The following LRRC31 variants were observed in gnomAD, a reference collection of about 807,000 sequenced individuals.
LRRC31 encodes leucine rich repeat containing 31.
Under a neutral mutation model 46.7 loss-of-function variants are expected in LRRC31, and 35 were observed. The observed-to-expected ratio is 0.75, with a 90% CI of 0.57 to 0.99. The LOEUF (loss-of-function observed/expected upper bound fraction) is 0.99. Among genes scored for constraint, LRRC31 ranks in the 50% least tolerant of loss-of-function variants. The pLI is 0.00. For synonymous variants in LRRC31, 236 were observed against 235.1 expected, an observed-to-expected ratio of 1.00 and a Z score of -0.03; for missense variants, 613 against 626.1, an observed-to-expected ratio of 0.98 and a Z score of 0.22.
rs1389805470 is a variant in LRRC31, at chr3:169,857,367, CACAA to C, written c.488-499_488-496del. On this transcript the variant is annotated intron_variant, in intron 3 of 8. Transcript: ENST00000316428. ...ATATACACACACACACACACACACACACAAGTATATATATACACATATATACATA... is the reference window on the plus strand; with the variant it reads ...ATATACACACACACACACACACACACGTATATATATACACATATATACATA... Among the ~76,000 whole-genome samples the C allele has an allele frequency of 3.3e-3, 367 of 112,506 alleles. 5 individuals are homozygous for C. The highest frequency in any genetic ancestry group is 9.4e-3 in the South Asian group (31 of 3,290). 73.8% of individuals were successfully genotyped at this position (112,506 alleles called of 152,430 possible).
chr3:169,856,668 T>A, intron 4 of LRRC31, 37 bp downstream of exon 4: 3 of 1,529,788 alleles, frequency 2.0e-6, no homozygotes, highest in Non-Finnish European at 2.6e-6. Flanking sequence ...CCAGTGGGCA[T>A]CTTCACTTTT....
intron 6 of LRRC31, chr3:169,853,813 T>A: frequency 1.6e-6 from 1 of 633,068 alleles, no homozygotes; most frequent in Non-Finnish European, 2.0e-6. Context: ...CCCCAAATTG[T>A]ACTATAAACA....
chr3:169,862,046 T>C (rs34288366), intron 1 of LRRC31, among the ~76,000 whole-genome samples: 5,835 of 152,254 alleles, frequency 0.038, 222 homozygotes, highest in Non-Finnish European at 0.052. Flanking sequence ...GGCTTTTCTA[T>C]CATGACCTGA....
intron 6 of LRRC31, among the ~76,000 whole-genome samples, chr3:169,852,253 AT>A (rs1320550231): frequency 7.3e-6 from 1 of 137,494 alleles, no homozygotes; most frequent in African/African-American, 2.7e-5. Flanking sequence ...AAAAAAAAAA[AT>A]TAGCCGGGCG....
chr3:169,840,114 CA>C lies in LRRC31; in HGVS notation c.1526del (p.Val509GlyfsTer10). ...GQWFRHLLYA[V>X]TKLPQITEIG... ...TCTCAGTGATCTGAGGAAGCTTGGT[CA>C]CAGCATATAACAAGTGTCTAAACCA... On this transcript the variant is annotated frameshift_variant, in exon 9 of 9. Coordinates refer to ENST00000316428, the MANE Select transcript of LRRC31 (RefSeq NM_024727.4). LOFTEE classifies it low-confidence loss of function (END_TRUNC). The C allele has an allele frequency of 6.8e-6, 11 of 1,614,080 alleles. No homozygotes were observed. The highest frequency in any genetic ancestry group is 9.3e-6 in the Non-Finnish European group (11 of 1,180,016).
intron 3 of LRRC31, among the ~76,000 whole-genome samples, chr3:169,857,345 T>TATATATATATATATATATATATACAC (rs1491209579): frequency 4.5e-5 from 4 of 89,446 alleles, no homozygotes; most frequent in Non-Finnish European, 6.3e-5. Flanking sequence ...TATATATATA[T>TATATATATATATATATATATATACAC]ACACACACAC....
intron 3 of LRRC31, among the ~76,000 whole-genome samples, chr3:169,859,385 C>T (rs1781078746): frequency 6.6e-6 from 1 of 151,942 alleles, no homozygotes; most frequent in Non-Finnish European, 1.5e-5. Flanking sequence ...TCCTCAGCTA[C>T]AGGAGGCATG....
intron 8 of LRRC31, 96 bp from the exon 9 acceptor site, chr3:169,840,409 G>A: frequency 8.1e-6 from 10 of 1,234,964 alleles, no homozygotes; most frequent in South Asian, 3.8e-5. Flanking sequence ...GAATAGTAAT[G>A]ACAAGATTAG....
intron 1 of LRRC31, among the ~76,000 whole-genome samples, chr3:169,864,146 C>T (rs931710355): frequency 2.0e-5 from 3 of 152,184 alleles, no homozygotes; most frequent in African/African-American, 7.2e-5. Flanking sequence ...ACCAAACCCA[C>T]TCTTCTGTTT....
At chr3:169,864,484 C>T (rs7636325) in intron 1 of LRRC31, among the ~76,000 whole-genome samples, 3,343 of 152,276 alleles carry the variant, frequency 0.022, 112 homozygotes, top group African/African-American at 0.077. Flanking sequence ...CCTCTCTGAG[C>T]CTTGGTTTAC....
chr3:169,857,345 T>TATATATACAC (rs1491209579), intron 3 of LRRC31, among the ~76,000 whole-genome samples: 19 of 89,418 alleles, frequency 2.1e-4, no homozygotes, highest in African/African-American at 4.2e-4. Context: ...TATATATATA[T>TATATATACAC]ACACACACAC....
chr3:169,863,679 T>C (rs907691635), intron 1 of LRRC31, among the ~76,000 whole-genome samples: 7 of 152,236 alleles, frequency 4.6e-5, no homozygotes, highest in African/African-American at 1.4e-4. Context: ...ACAAGGCATT[T>C]AATTTTGGGT....
intron 1 of LRRC31, among the ~76,000 whole-genome samples, chr3:169,868,943 A>G (rs1022885794): frequency 6.6e-6 from 1 of 152,116 alleles, no homozygotes; most frequent in Non-Finnish European, 1.5e-5. Context: ...TAATGGGTAC[A>G]GAAAAAATAG....
At chr3:169,868,422 C>T (rs1215326068) in intron 1 of LRRC31, among the ~76,000 whole-genome samples, 1 of 152,158 alleles carries the variant, frequency 6.6e-6, no homozygotes, top group African/African-American at 2.4e-5. Flanking sequence ...TAAATAGCAC[C>T]CCATCCCATC....
In LRRC31 at chr3:169,848,293, A is replaced by T; in HGVS notation, c.1160-6T>A. ...GAGGTGAACAGAGGCTTCAGCTAAAAGTGATAACAATACGAACAGCAGTAA... is the reference window on the plus strand; with the variant it reads ...GAGGTGAACAGAGGCTTCAGCTAAATGTGATAACAATACGAACAGCAGTAA... On this transcript the variant is annotated splice_polypyrimidine_tract_variant and splice_region_variant and intron_variant, in intron 7 of 8. Transcript: ENST00000316428. The T allele has an allele frequency of 6.2e-7, 1 of 1,613,208 alleles. No individual in the cohort carries two copies. Among genetic ancestry groups the T allele is most frequent in the African/African-American group, 1.3e-5 (1 of 75,032 alleles).
chr3:169,857,859 G>A (rs7610773), intron 3 of LRRC31, among the ~76,000 whole-genome samples: 3,841 of 152,138 alleles, frequency 0.025, 143 homozygotes, highest in African/African-American at 0.087. Context: ...GCTAAAATGC[G>A]TATTCCCCAG....
Position 169,867,043 on chromosome 3 carries a change from T to G in LRRC31, c.175+2590A>C, listed in dbSNP as rs530933571. ...AGAAAGAAAATTGGCCATGGGTTTTTTTTGTTTGTTTGTTTGTTTTTTTTT... is the reference window on the plus strand; with the variant it reads ...AGAAAGAAAATTGGCCATGGGTTTTGTTTGTTTGTTTGTTTGTTTTTTTTT... On this transcript the variant is annotated intron_variant, in intron 1 of 8. Transcript: ENST00000316428. Among the ~76,000 whole-genome samples the G allele has an allele frequency of 2.2e-4, 25 of 115,366 alleles. No homozygotes were observed. The East Asian group carries it at 4.3e-3, about 20-fold the overall frequency. 75.7% of individuals were successfully genotyped at this position (115,366 alleles called of 152,430 possible). A position where few individuals can be genotyped will look rare whatever the true frequency, so the allele number is the denominator to read the frequency against.
At chr3:169,859,180 A>G (rs973847727) in intron 3 of LRRC31, among the ~76,000 whole-genome samples, 1 of 151,100 alleles carries the variant, frequency 6.6e-6, no homozygotes, top group Non-Finnish European at 1.5e-5. Flanking sequence ...CTGTAATCCC[A>G]GCTACTTGGG....
At position 169,840,026 on chromosome 3, in the gene LRRC31, C is replaced by G. The variant is rs772037768; in HGVS notation, c.1615G>C (p.Asp539His). The change falls in exon 9 of 9, where the codon GAT becomes CAT. Residue 539 changes from aspartate to histidine, a missense_variant. Coordinates refer to ENST00000316428, the MANE Select transcript of LRRC31 (RefSeq NM_024727.4). ...TCAAAGTGAATGCTTCTTTTTTTATCTTGGTCAAAGCATTCTAGTTCTTCC... is the reference window on the plus strand; with the variant it reads ...TCAAAGTGAATGCTTCTTTTTTTATGTTGGTCAAAGCATTCTAGTTCTTCC... ...QEEELECFDQ[D>H]KKRSIHFDHG... 9 of 1,612,662 alleles carry G rather than the reference C, an allele frequency of 5.6e-6. No homozygotes were observed. The Admixed American group carries it at 1.0e-4, about 18-fold the overall frequency.
Sources: gnomAD v4.1 joint callset for allele counts (sites outside exome capture counted in the v4.1 genomes callset) on GRCh38, gnomAD v4.1.1 for gene constraint, MANE v1.5 for transcripts, NCBI Gene and HGNC (gene_info 2026-07-23, HGNC 2026-07-21) for gene names.